The following SFMBT1 variants were observed in gnomAD, a reference collection of about 807,000 sequenced individuals.
SFMBT1 encodes the protein scm-like with four MBT domains protein 1.
In SFMBT1, 32 loss-of-function variants were observed where a neutral mutation model predicts 108.7. The observed-to-expected ratio is 0.29, with a 90% CI of 0.22 to 0.40. The LOEUF (loss-of-function observed/expected upper bound fraction) is 0.40. Among genes scored for constraint, SFMBT1 ranks in the 10% least tolerant of loss-of-function variants. The probability of loss-of-function intolerance (pLI) is 1.00; values close to 1 mark genes in which losing one functional copy is unlikely to be tolerated. For synonymous variants in SFMBT1, 348 were observed against 369.5 expected, an observed-to-expected ratio of 0.94 and a Z score of 0.67; for missense variants, 816 against 1,059.6, an observed-to-expected ratio of 0.77 and a Z score of 3.19.
At chr3:52,949,567 T>C (rs987260655) in intron 3 of SFMBT1, among the ~76,000 whole-genome samples, 1 of 139,622 alleles carries the variant, frequency 7.2e-6, no homozygotes, top group Non-Finnish European at 1.6e-5. Context: ...GTAATGTCCT[T>C]CTTTTTTTTT....
chr3:52,942,437 CAT>C (rs968425499), intron 4 of SFMBT1, among the ~76,000 whole-genome samples: 1 of 152,184 alleles, frequency 6.6e-6, no homozygotes, highest in African/African-American at 2.4e-5. Flanking sequence ...AATAATTTTC[CAT>C]ATGATTCTCA....
chr3:52,980,016 T>C (rs1277438982), intron 1 of SFMBT1, among the ~76,000 whole-genome samples: 2 of 152,192 alleles, frequency 1.3e-5, no homozygotes, highest in African/African-American at 4.8e-5. Context: ...ACAAACCATG[T>C]AGCTTAAAAA....
At chr3:53,034,570 G>A (rs867671477) in intron 1 of SFMBT1, among the ~76,000 whole-genome samples, 30 of 151,528 alleles carry the variant, frequency 2.0e-4, no homozygotes, top group Middle Eastern at 3.4e-3. Context: ...ACAACAGTCT[G>A]TTTCAAAAAA....
chr3:52,945,493 G>A (rs1703335363), intron 3 of SFMBT1, among the ~76,000 whole-genome samples: 1 of 151,794 alleles, frequency 6.6e-6, no homozygotes, highest in Admixed American at 6.6e-5. Flanking sequence ...AAAATCACTA[G>A]TAGACAAACA....
At chr3:53,038,139 TG>T (rs1315998022) in intron 1 of SFMBT1, among the ~76,000 whole-genome samples, 3 of 152,024 alleles carry the variant, frequency 2.0e-5, no homozygotes, top group African/African-American at 7.3e-5. Flanking sequence ...AGCCAGGTGC[TG>T]GGGCATGCAC....
chr3:53,017,523 C>G (rs1203872348), intron 1 of SFMBT1, among the ~76,000 whole-genome samples: 1 of 152,102 alleles, frequency 6.6e-6, no homozygotes, highest in Non-Finnish European at 1.5e-5. Flanking sequence ...TGTAGTCTCC[C>G]ATGTCTATTC....
At chr3:52,984,066 G>A (rs1164086176) in intron 1 of SFMBT1, among the ~76,000 whole-genome samples, 2 of 152,190 alleles carry the variant, frequency 1.3e-5, no homozygotes, top group African/African-American at 4.8e-5. Flanking sequence ...TGGATTTGGT[G>A]TATGAGAGAA....
intron 12 of SFMBT1, among the ~76,000 whole-genome samples, chr3:52,919,071 G>C (rs1027522640): frequency 9.2e-5 from 14 of 152,186 alleles, no homozygotes; most frequent in African/African-American, 3.4e-4. Flanking sequence ...AGGCACTAAT[G>C]CTCACTCGCC....
At chr3:52,915,573 C>T (rs898575470) in intron 14 of SFMBT1, among the ~76,000 whole-genome samples, 7 of 152,182 alleles carry the variant, frequency 4.6e-5, no homozygotes, top group African/African-American at 1.7e-4. Context: ...TGCTAGAATA[C>T]ACACAGCCAG....
At chr3:52,992,171 G>A (rs2106897769) in intron 1 of SFMBT1, among the ~76,000 whole-genome samples, 1 of 152,312 alleles carries the variant, frequency 6.6e-6, no homozygotes, top group Non-Finnish European at 1.5e-5. Context: ...CTCACACAGA[G>A]CCCTTCACAT....
chr3:52,930,765 G>A (rs2106795081), intron 7 of SFMBT1, among the ~76,000 whole-genome samples, 176 bp downstream of exon 7: 1 of 152,280 alleles, frequency 6.6e-6, no homozygotes, highest in South Asian at 2.1e-4. Context: ...AGAAAATCTA[G>A]ACAACTGTTA....
intron 1 of SFMBT1, among the ~76,000 whole-genome samples, chr3:53,008,506 T>G (rs1698825543): frequency 6.6e-6 from 1 of 152,172 alleles, no homozygotes; most frequent in African/African-American, 2.4e-5. Flanking sequence ...AAGTCTTCCA[T>G]TTGGTCACTA....
chr3:52,948,283 C>T (rs1703443677), intron 3 of SFMBT1, among the ~76,000 whole-genome samples: 1 of 152,012 alleles, frequency 6.6e-6, no homozygotes, highest in African/African-American at 2.4e-5. Flanking sequence ...AAAAGTGGAT[C>T]TGTTTCTGAT....
chr3:52,933,086 T>A (rs1702907294), intron 5 of SFMBT1, among the ~76,000 whole-genome samples: 1 of 152,204 alleles, frequency 6.6e-6, no homozygotes, highest in Non-Finnish European at 1.5e-5. Context: ...AATATCCACC[T>A]CTGCCAGTCT....
chr3:52,961,314 A>T (rs1394335455), intron 2 of SFMBT1, among the ~76,000 whole-genome samples: 2 of 152,246 alleles, frequency 1.3e-5, no homozygotes, highest in African/African-American at 2.4e-5. Context: ...ACTGTTGAAC[A>T]GGTATACCTT....
chr3:52,935,021 C>T (rs778928082), intron 4 of SFMBT1, 120 bp from the exon 5 acceptor site: 49 of 738,842 alleles, frequency 6.6e-5, no homozygotes, highest in Non-Finnish European at 9.6e-5. Flanking sequence ...GTCCAACATA[C>T]TGCTTGAGAG....
At chr3:52,966,875 TAAA>T (rs1559530272) in intron 2 of SFMBT1, among the ~76,000 whole-genome samples, 1 of 150,652 alleles carries the variant, frequency 6.6e-6, no homozygotes, top group Admixed American at 6.6e-5. Flanking sequence ...CAATTATAAA[TAAA>T]AGAGGGTAAA....
chr3:52,925,525 T>C (rs561164590), intron 10 of SFMBT1, among the ~76,000 whole-genome samples: 1 of 152,318 alleles, frequency 6.6e-6, no homozygotes, highest in East Asian at 1.9e-4. Flanking sequence ...GTTTTTATTT[T>C]GAAAATGAAG....
At chr3:52,933,362 G>A (rs565903493) in intron 5 of SFMBT1, among the ~76,000 whole-genome samples, 4 of 152,218 alleles carry the variant, frequency 2.6e-5, no homozygotes, top group African/African-American at 9.6e-5. Context: ...GTGATGGAAA[G>A]GAAAAGTTTA....
Sources: allele counts gnomAD v4.1 joint callset (sites outside exome capture counted in the v4.1 genomes callset), GRCh38; gene constraint gnomAD v4.1.1; transcripts MANE v1.5; gene names NCBI Gene and HGNC (gene_info 2026-07-23, HGNC 2026-07-21).